The following PINX1 variants were observed in gnomAD, a reference collection of about 807,000 sequenced individuals.
PINX1 encodes the protein PIN2 (TERF1) interacting telomerase inhibitor 1, also known as PIN2/TERF1-interacting telomerase inhibitor 1.
Under a neutral mutation model 25.4 loss-of-function variants are expected in PINX1, and 34 were observed. That is an observed-to-expected ratio of 1.34 (90% confidence interval 1.02 to 1.78). The LOEUF (loss-of-function observed/expected upper bound fraction) is 1.78. Ranked by LOEUF, PINX1 falls within the 40% of genes most tolerant of loss-of-function variation. The probability of loss-of-function intolerance (pLI) is 0.00; values close to 1 mark genes in which losing one functional copy is unlikely to be tolerated. For missense variants in PINX1, 592 were observed against 404.9 expected, an observed-to-expected ratio of 1.46 and a Z score of -3.97; for synonymous variants, 197 against 147.7, an observed-to-expected ratio of 1.33 and a Z score of -2.42.
At chr8:10,774,357 C>T (rs959069684) in intron 6 of PINX1, among the ~76,000 whole-genome samples, 1 of 151,940 alleles carries the variant, frequency 6.6e-6, no homozygotes, top group African/African-American at 2.4e-5. Context: ...TCTCGGCTCA[C>T]CGCAACCTCC....
At chr8:10,765,971 C>A (rs755859497) in intron 6 of PINX1, 55 bp from the exon 7 acceptor site, 25 of 1,563,280 alleles carry the variant, frequency 1.6e-5, no homozygotes, top group Admixed American at 3.5e-5. Context: ...TCATCCCTCA[C>A]CGCACCCAGG....
chr8:10,814,285 CAACTGG>C (rs2129083995), intron 6 of PINX1, among the ~76,000 whole-genome samples: 1 of 152,326 alleles, frequency 6.6e-6, no homozygotes, highest in African/African-American at 2.4e-5. Flanking sequence ...GTTTTCTGAG[CAACTGG>C]CAGTTCGTGA....
At position 10,792,470 on chromosome 8, in the gene PINX1, G is replaced by A. The variant is rs575528482; in HGVS notation, c.472-26554C>T. Reference sequence around the variant, plus strand: ...TTGACCGTCCCTCCCCCGTGACGCTGTGCGCTCCCTGAAGGGACAGACTGT... The same window carrying A: ...TTGACCGTCCCTCCCCCGTGACGCTATGCGCTCCCTGAAGGGACAGACTGT... On this transcript the variant is annotated intron_variant, in intron 6 of 6. Transcript: ENST00000314787. Among the ~76,000 whole-genome samples, 11 of 152,186 alleles carry A rather than the reference G, an allele frequency of 7.2e-5. No homozygotes were observed. In the East Asian group the frequency reaches 1.9e-3, roughly 27 times the overall value.
intron 4 of PINX1, among the ~76,000 whole-genome samples, chr8:10,828,619 G>A (rs570219598): frequency 2.0e-5 from 3 of 152,322 alleles, no homozygotes; most frequent in South Asian, 2.1e-4. Context: ...CCTGGTGAGC[G>A]TCTCTACCTT....
At chr8:10,820,325 G>A (rs757954210) in intron 5 of PINX1, 56 bp from the exon 6 acceptor site, 18 of 1,244,980 alleles carry the variant, frequency 1.4e-5, no homozygotes, top group South Asian at 5.0e-5. Flanking sequence ...AAGAAAGAGC[G>A]CAGACATGAA....
intron 6 of PINX1, among the ~76,000 whole-genome samples, chr8:10,793,215 A>C (rs1202974136): frequency 6.6e-6 from 1 of 152,166 alleles, no homozygotes; most frequent in Non-Finnish European, 1.5e-5. Flanking sequence ...TGCATCCTCT[A>C]AACTATTTTA....
At chr8:10,787,572 T>C (rs1586152088) in intron 6 of PINX1, 1 of 252,220 alleles carries the variant, frequency 4.0e-6, no homozygotes, top group South Asian at 4.7e-5. Context: ...GTTTACAATA[T>C]TATTATCTTT....
chr8:10,766,128 C>T (rs910812357), intron 6 of PINX1, among the ~76,000 whole-genome samples: 45 of 152,236 alleles, frequency 3.0e-4, no homozygotes, highest in African/African-American at 1.1e-3. Context: ...AGGCCGGGAG[C>T]AAGGCGGCCA....
chr8:10,834,405 T>C (rs1018404031), intron 2 of PINX1: 54 of 430,596 alleles, frequency 1.3e-4, no homozygotes, highest in African/African-American at 1.1e-3. Flanking sequence ...GAGTCAAGAA[T>C]AAATGGAAAG....
chr8:10,765,809 G>A lies in PINX1; in HGVS notation c.579C>T (p.Pro193=). 6.2e-7 allele frequency: 1 copy of A among 1,613,918 alleles called. No homozygotes were observed. The highest frequency in any genetic ancestry group is 8.5e-7 in the Non-Finnish European group (1 of 1,179,894). The change falls in exon 7 of 7, where the codon CCC becomes CCT. Residue 193 remains proline, a synonymous_variant. Coordinates refer to ENST00000314787, the MANE Select transcript of PINX1 (RefSeq NM_017884.6). ...AKRMAALKNK[P]QVPVPGSDIS... is the part of the protein sequence containing the mutation. ...TGTCAGACCCTGGAACTGGAACCTG[G>A]GGCTTGTTCTTCAGTGCTGCCATCC...
chr8:10,836,856 G>A (rs1307884030), intron 1 of PINX1, among the ~76,000 whole-genome samples: 1 of 152,210 alleles, frequency 6.6e-6, no homozygotes, highest in East Asian at 1.9e-4. Flanking sequence ...CCAGAACCCT[G>A]CTTCCCTGGA....
chr8:10,832,812 G>A (rs1354875692), intron 3 of PINX1, 80 bp downstream of exon 3: 3 of 788,804 alleles, frequency 3.8e-6, no homozygotes, highest in East Asian at 2.6e-5. Flanking sequence ...GTCAGAAGCA[G>A]ATGAACCAAT....
Position 10,836,898 on chromosome 8 carries a change from C to T in PINX1, c.20-2123G>A, listed in dbSNP as rs899429048. 3.1e-4 allele frequency among the ~76,000 whole-genome samples: 47 copies of T among 152,232 alleles called. 1 individual carries two copies. The highest frequency in any genetic ancestry group is 1.1e-3 in the African/African-American group (47 of 41,514). On this transcript the variant is annotated intron_variant, in intron 1 of 6. Transcript: ENST00000314787. ...CCCAGCTCTAATGGCACCCAAGTTT[C>T]CAGGTGTGGAAAATCATGGTAAGGA...
chr8:10,765,474 G>A lies in PINX1; in HGVS notation c.914C>T (p.Pro305Leu), dbSNP rs1475772102. Residue 305 changes from proline (P) to leucine (L), a missense_variant, in exon 7 of 7, where the codon CCA becomes CTA. By Grantham distance (98) the Pro-to-Leu change is moderately conservative (BLOSUM62 -3). Coordinates refer to ENST00000314787, the MANE Select transcript of PINX1 (RefSeq NM_017884.6). ...KRRGKKKLQK[P>L]VEIAEDATLE... The stretch of plus-strand genomic sequence containing the variant: ...TGTAGCGTCCTCTGCTATCTCTACT[G>A]GTTTTTGCAGCTTTTTCTTCCCTCT... The A allele has an allele frequency of 6.2e-7, 1 of 1,613,366 alleles. No individual in the cohort carries two copies. Among genetic ancestry groups the A allele is most frequent in the East Asian group, 2.2e-5 (1 of 44,886 alleles).
chr8:10,789,841 G>C (rs1801867628), intron 6 of PINX1, among the ~76,000 whole-genome samples: 2 of 152,110 alleles, frequency 1.3e-5, no homozygotes, highest in African/African-American at 2.4e-5. Flanking sequence ...CTGGCTGTTT[G>C]GATCATGGAT....
rs562579320 is a variant in PINX1 at position 10,839,829 on chromosome 8, G to A, written c.-73C>T. The A allele has an allele frequency of 5.5e-6, 8 of 1,446,806 alleles. No individual in the cohort carries two copies. Among genetic ancestry groups the A allele is most frequent in the Non-Finnish European group, 6.7e-6 (7 of 1,052,598 alleles). 89.6% of individuals were successfully genotyped at this position (1,446,806 alleles called of 1,614,324 possible). ...CCACTGGGCGGGCTGGAGACTCCAGGAGAATCAGGACGTGCGTAACTCCCT... is the reference window on the plus strand; with the variant it reads ...CCACTGGGCGGGCTGGAGACTCCAGAAGAATCAGGACGTGCGTAACTCCCT... On this transcript the variant is annotated 5_prime_UTR_variant, in exon 1 of 7. Coordinates refer to ENST00000314787, the MANE Select transcript of PINX1 (RefSeq NM_017884.6).
At chr8:10,836,499 A>G (rs985980190) in intron 1 of PINX1, among the ~76,000 whole-genome samples, 2 of 152,176 alleles carry the variant, frequency 1.3e-5, no homozygotes, top group African/African-American at 4.8e-5. Flanking sequence ...TACGAAGGAG[A>G]CAGTTTTGAG....
At position 10,832,973 on chromosome 8, in the gene PINX1, A is replaced by G. The variant is rs960666397; in HGVS notation, c.141T>C (p.Ala47=). The part of the protein sequence containing the change: ...MGWSKGKGLG[A]QEQGATDHIK... The stretch of plus-strand genomic sequence containing the variant: ...TATGATCTGTGGCTCCTTGCTCCTG[A>G]GCCCCTAAACCCTGTGGAGATTAAA... The change falls in exon 3 of 7, where the codon GCT becomes GCC. Residue 47 remains alanine (A), a synonymous_variant. Transcript: ENST00000314787. 2 of 1,607,574 alleles carry G rather than the reference A, an allele frequency of 1.2e-6. No homozygotes were observed. Among genetic ancestry groups the G allele is most frequent in the Non-Finnish European group, 1.7e-6 (2 of 1,175,792 alleles).
rs530442735 is a variant in PINX1, at chr8:10,765,626, G to A, written c.762C>T (p.Ser254=). The change falls in exon 7 of 7, where the codon AGC becomes AGT. Residue 254 remains serine, a synonymous_variant. Coordinates refer to ENST00000314787, the MANE Select transcript of PINX1 (RefSeq NM_017884.6). ...EAQERVAKKK[S]APAEEQLRGP... The stretch of plus-strand genomic sequence containing the variant: ...CTCTGAGCTGCTCTTCTGCTGGCGC[G>A]CTCTTCTTCTTGGCCACTCGCTCCT... The A allele has an allele frequency of 2.5e-5, 40 of 1,613,734 alleles. No homozygotes were observed. The highest frequency in any genetic ancestry group is 1.6e-4 in the Middle Eastern group (1 of 6,062).
Sources: gnomAD v4.1 joint callset for allele counts (sites outside exome capture counted in the v4.1 genomes callset) on GRCh38, gnomAD v4.1.1 for gene constraint, MANE v1.5 for transcripts, NCBI Gene and HGNC (gene_info 2026-07-23, HGNC 2026-07-21) for gene names.